The following EYS variants were observed in gnomAD, a reference collection of about 807,000 sequenced individuals.
EYS encodes the protein protein eyes shut homolog.
Under a neutral mutation model 282.1 loss-of-function variants are expected in EYS, and 250 were observed. The ratio of observed to expected loss-of-function variants is 0.89; its 90% CI spans 0.80 to 0.98. EYS has a LOEUF of 0.98. Among genes scored for constraint, EYS ranks in the 50% least tolerant of loss-of-function variants. The pLI is 0.00. For missense variants in EYS, 4,016 were observed against 3,709.0 expected, an observed-to-expected ratio of 1.08 and a Z score of -2.15; for synonymous variants, 1,355 against 1,282.9, an observed-to-expected ratio of 1.06 and a Z score of -1.20.
rs545274904 is a variant in EYS, at chr6:65,329,784, A to T, written c.1766+5196T>A. The T allele has an allele frequency of 2.3e-5, 23 of 981,904 alleles. No homozygotes were observed. In the African/African-American group the frequency reaches 3.9e-4, roughly 16 times the overall value. 60.8% of individuals were successfully genotyped at this position (981,904 alleles called of 1,614,324 possible). A position where few individuals can be genotyped will look rare whatever the true frequency, so the allele number is the denominator to read the frequency against. ...GAAATAATTTAAGAAAATCCTGGTC[A>T]AATTATACTATACTTTTGTGCCATA... is the stretch of plus-strand genomic sequence containing the variant. On this transcript the variant is annotated intron_variant, in intron 11 of 42. Coordinates refer to ENST00000503581, the MANE Select transcript of EYS (RefSeq NM_001142800.2).
intron 7 of EYS, among the ~76,000 whole-genome samples, chr6:65,389,975 T>C (rs1023577183): frequency 1.3e-5 from 2 of 152,020 alleles, no homozygotes; most frequent in South Asian, 2.1e-4. Context: ...AGTCATATAA[T>C]TGGAGGTCCT....
At chr6:64,794,461 T>TC (rs976386348) in intron 22 of EYS, among the ~76,000 whole-genome samples, 32 of 152,082 alleles carry the variant, frequency 2.1e-4, no homozygotes, top group African/African-American at 7.5e-4. Flanking sequence ...GTGGAGCACC[T>TC]CCCCCTTCTC....
chr6:64,333,589 C>T (rs1770722841), intron 29 of EYS, among the ~76,000 whole-genome samples: 1 of 152,136 alleles, frequency 6.6e-6, no homozygotes, highest in Non-Finnish European at 1.5e-5. Context: ...TCTGACAGTA[C>T]TAAAGCCAAA....
intron 12 of EYS, among the ~76,000 whole-genome samples, chr6:65,195,953 A>G (rs1413295797): frequency 1.3e-5 from 2 of 152,072 alleles, no homozygotes; most frequent in African/African-American, 4.8e-5. Context: ...AATATCAACC[A>G]GCCAGTCATC....
intron 22 of EYS, among the ~76,000 whole-genome samples, chr6:64,731,688 T>C (rs997516697): frequency 6.6e-6 from 1 of 152,118 alleles, no homozygotes; most frequent in African/African-American, 2.4e-5. Flanking sequence ...TGTGGAGAAA[T>C]AGGAATGCTT....
intron 12 of EYS, among the ~76,000 whole-genome samples, chr6:65,092,305 A>G (rs902821552): frequency 3.3e-5 from 5 of 152,172 alleles, no homozygotes; most frequent in Non-Finnish European, 5.9e-5. Context: ...GTGGTCTAAC[A>G]ATGAAATTCT....
rs541382437 is a variant in EYS at position 65,199,013 on chromosome 6, C to T, written c.2023+96850G>A. Among the ~76,000 whole-genome samples, 7 of 152,058 alleles carry T rather than the reference C, an allele frequency of 4.6e-5. No individual in the cohort carries two copies. The East Asian group carries it at 1.2e-3, about 25-fold the overall frequency. ...GCACATGAGCATGGTGTTAAGGAAG[C>T]ATTATTTCTCCTTGGGGTATGGCAA... On this transcript the variant is annotated intron_variant, in intron 12 of 42. Coordinates refer to ENST00000503581, the MANE Select transcript of EYS (RefSeq NM_001142800.2).
intron 26 of EYS, among the ~76,000 whole-genome samples, chr6:64,560,270 G>A (rs1021756012): frequency 6.6e-6 from 1 of 151,008 alleles, no homozygotes; most frequent in African/African-American, 2.4e-5. Flanking sequence ...ATTTTTTATG[G>A]TCAATTGTAG....
At chr6:64,150,162 C>T (rs1321112174) in intron 31 of EYS, among the ~76,000 whole-genome samples, 1 of 152,182 alleles carries the variant, frequency 6.6e-6, no homozygotes, top group African/African-American at 2.4e-5. Flanking sequence ...ATCTCAGGCC[C>T]TACCCTACAC....
At chr6:64,199,596 G>A (rs1765399952) in intron 31 of EYS, among the ~76,000 whole-genome samples, 3 of 152,152 alleles carry the variant, frequency 2.0e-5, no homozygotes, top group Admixed American at 6.5e-5. Context: ...TTAAACTAGA[G>A]AGCTTCTGCA....
At chr6:65,563,598 C>A (rs554593775) in intron 2 of EYS, among the ~76,000 whole-genome samples, 1 of 151,988 alleles carries the variant, frequency 6.6e-6, no homozygotes, top group African/African-American at 2.4e-5. Flanking sequence ...AAGAAAACCC[C>A]ACTTTCCAAT....
At chr6:63,986,526 T>C (rs1236129325) in intron 34 of EYS, among the ~76,000 whole-genome samples, 2 of 151,760 alleles carry the variant, frequency 1.3e-5, no homozygotes, top group Non-Finnish European at 2.9e-5. Flanking sequence ...TCAACCTAAA[T>C]GCCCATCAGT....
intron 2 of EYS, among the ~76,000 whole-genome samples, chr6:65,633,011 G>T (rs1053081467): frequency 6.6e-6 from 1 of 152,052 alleles, no homozygotes. Flanking sequence ...TCTATCTACA[G>T]AAATTTATTA....
chr6:63,938,102 A>G (rs1765126221), intron 35 of EYS, among the ~76,000 whole-genome samples: 2 of 152,224 alleles, frequency 1.3e-5, no homozygotes, highest in Non-Finnish European at 2.9e-5. Flanking sequence ...AGAACAACCA[A>G]TAAAATTAGA....
chr6:65,455,463 A>C (rs1431358899), intron 5 of EYS, among the ~76,000 whole-genome samples: 1 of 152,178 alleles, frequency 6.6e-6, no homozygotes, highest in African/African-American at 2.4e-5. Flanking sequence ...AAAGGTGAAC[A>C]AAATAAAGAG....
At chr6:64,675,247 T>C (rs1769610584) in intron 22 of EYS, among the ~76,000 whole-genome samples, 2 of 152,152 alleles carry the variant, frequency 1.3e-5, no homozygotes, top group Admixed American at 1.3e-4. Context: ...CTACACTCGG[T>C]ATCTTCTATC....
At chr6:64,139,967 C>CAATAAATCAATA (rs1774287050) in intron 31 of EYS, among the ~76,000 whole-genome samples, 2 of 143,670 alleles carry the variant, frequency 1.4e-5, no homozygotes, top group Non-Finnish European at 3.0e-5. Context: ...GATTCTGTCT[C>CAATAAATCAATA]AATAAATAAA....
chr6:65,662,617 T>C (rs1582576437), intron 1 of EYS, among the ~76,000 whole-genome samples: 1 of 152,142 alleles, frequency 6.6e-6, no homozygotes, highest in Non-Finnish European at 1.5e-5. Flanking sequence ...TTTTGCCCCA[T>C]CTTTCAGCTC....
At chr6:65,005,867 T>G (rs1181257014) in intron 13 of EYS, among the ~76,000 whole-genome samples, 1 of 152,204 alleles carries the variant, frequency 6.6e-6, no homozygotes, top group Non-Finnish European at 1.5e-5. Context: ...CACCCCTACC[T>G]TTCCTTCTGA....
Sources: gnomAD v4.1 joint callset for allele counts (sites outside exome capture counted in the v4.1 genomes callset) on GRCh38, gnomAD v4.1.1 for gene constraint, MANE v1.5 for transcripts, NCBI Gene and HGNC (gene_info 2026-07-23, HGNC 2026-07-21) for gene names.